The following ALK variants were observed in gnomAD, a reference collection of about 807,000 sequenced individuals.
ALK encodes the protein ALK tyrosine kinase receptor.
Under a neutral mutation model 163.1 loss-of-function variants are expected in ALK, and 74 were observed. The ratio of observed to expected loss-of-function variants is 0.45; its 90% CI spans 0.38 to 0.55. The LOEUF is 0.55. ALK is among the 20% of genes least tolerant of loss of function. The pLI, the probability that ALK is intolerant of heterozygous loss-of-function variation, is 0.00. For synonymous variants in ALK, 960 were observed against 843.2 expected, an observed-to-expected ratio of 1.14 and a Z score of -2.40; for missense variants, 2,063 against 2,105.3, an observed-to-expected ratio of 0.98 and a Z score of 0.39.
intron 1 of ALK, among the ~76,000 whole-genome samples, chr2:29,839,003 T>C (rs745690923): frequency 2.6e-5 from 4 of 152,182 alleles, no homozygotes; most frequent in African/African-American, 9.7e-5. Context: ...ATGTTTTAAG[T>C]AGATACTGGC....
intron 1 of ALK, among the ~76,000 whole-genome samples, chr2:29,776,698 G>A (rs1681185412): frequency 6.6e-6 from 1 of 152,176 alleles, no homozygotes; most frequent in South Asian, 2.1e-4. Context: ...TCAGGAGGCT[G>A]AGGTGGGAAG....
At chr2:29,623,320 G>C (rs1419892123) in intron 3 of ALK, among the ~76,000 whole-genome samples, 1 of 152,154 alleles carries the variant, frequency 6.6e-6, no homozygotes, top group Non-Finnish European at 1.5e-5. Flanking sequence ...TCCAATAATA[G>C]AGAAACAGTT....
At chr2:29,433,583 C>A (rs1054163357) in intron 4 of ALK, among the ~76,000 whole-genome samples, 1 of 152,136 alleles carries the variant, frequency 6.6e-6, no homozygotes, top group African/African-American at 2.4e-5. Context: ...TCACTGAGGG[C>A]AATATAGCCC....
At chr2:29,618,704 G>A (rs1675932074) in intron 3 of ALK, among the ~76,000 whole-genome samples, 1 of 152,232 alleles carries the variant, frequency 6.6e-6, no homozygotes, top group African/African-American at 2.4e-5. Flanking sequence ...CACTTGGCCA[G>A]GTGCGGTGGC....
intron 26 of ALK, among the ~76,000 whole-genome samples, chr2:29,205,631 G>C (rs1669291172): frequency 6.6e-6 from 1 of 152,198 alleles, no homozygotes; most frequent in East Asian, 1.9e-4. Flanking sequence ...TTGACTTGGG[G>C]CCGCATCTCC....
At chr2:29,494,878 A>ATGTGTGTGTGTGTGTGTG (rs1558350027) in intron 4 of ALK, among the ~76,000 whole-genome samples, 5 of 120,092 alleles carry the variant, frequency 4.2e-5, no homozygotes, top group African/African-American at 1.7e-4. Context: ...GTGTGTGTGC[A>ATGTGTGTGTGTGTGTGTG]TGCATGTGTA....
At chr2:29,443,992 C>A (rs182401107) in intron 4 of ALK, among the ~76,000 whole-genome samples, 1 of 152,166 alleles carries the variant, frequency 6.6e-6, no homozygotes, top group South Asian at 2.1e-4. Flanking sequence ...TCTTGTTACG[C>A]CCAATTTGCA....
At chr2:29,330,173 T>C (rs73920783) in intron 5 of ALK, among the ~76,000 whole-genome samples, 23,584 of 152,198 alleles carry the variant, frequency 0.15, 1,878 homozygotes, top group African/African-American at 0.18. Context: ...TCTGAGCCCT[T>C]TCACCTGCTC....
chr2:29,558,967 T>C (rs760397622), intron 3 of ALK, among the ~76,000 whole-genome samples: 2 of 152,166 alleles, frequency 1.3e-5, no homozygotes, highest in African/African-American at 2.4e-5. Context: ...GGGTAGACTA[T>C]AATTTTCTGT....
chr2:29,817,667 G>A (rs76503401), intron 1 of ALK, among the ~76,000 whole-genome samples: 9,231 of 152,160 alleles, frequency 0.061, 824 homozygotes, highest in African/African-American at 0.19. Context: ...CCCGCCCTCC[G>A]TCCCTCCCTT....
intron 3 of ALK, among the ~76,000 whole-genome samples, chr2:29,560,659 C>T (rs1171649760): frequency 2.0e-5 from 3 of 151,894 alleles, no homozygotes; most frequent in Admixed American, 1.3e-4. Context: ...GCAGCCTTGA[C>T]CTTCCAGATT....
intron 11 of ALK, among the ~76,000 whole-genome samples, chr2:29,256,603 T>C (rs1664954325): frequency 6.6e-6 from 1 of 151,576 alleles, no homozygotes; most frequent in African/African-American, 2.4e-5. Context: ...GGGAACACTT[T>C]TGAGTGTTTT....
rs1345095564 is a variant in ALK, at chr2:29,521,805, T to A, written c.1154+10110A>T. ...GGCAATTCCATCACCCGATTCCATC[T>A]CCTCAATGCAGACTTGGTTTTTGAA... On this transcript the variant is annotated intron_variant, in intron 4 of 28. Transcript: ENST00000389048. 3.3e-5 allele frequency among the ~76,000 whole-genome samples: 5 copies of A among 152,284 alleles called. No individual in the cohort carries two copies. The East Asian group carries it at 9.7e-4, about 29-fold the overall frequency.
Position 29,921,583 on chromosome 2 carries a change from A to C in ALK, c.-924T>G, listed in dbSNP as rs982899951. On this transcript the variant is annotated 5_prime_UTR_variant, in exon 1 of 29. The change abolishes an upstream ATG in the 5' untranslated region. Coordinates refer to ENST00000389048, the MANE Select transcript of ALK (RefSeq NM_004304.5). ...GCCGCCCCCAGAGCCGCTGGATCGC[A>C]TCTGCCTGGGCGCCCGCCACTTGCA... is the stretch of plus-strand genomic sequence containing the variant. The C allele has an allele frequency of 1.1e-4, 25 of 230,256 alleles. No individual in the cohort carries two copies. The highest frequency in any genetic ancestry group is 4.9e-4 in the African/African-American group (22 of 45,164). The allele number at this position is 230,256 out of a possible 1,614,324, so 14.3% of individuals were successfully genotyped here.
At chr2:29,361,588 C>A (rs1413363200) in intron 5 of ALK, among the ~76,000 whole-genome samples, 1 of 152,172 alleles carries the variant, frequency 6.6e-6, no homozygotes, top group African/African-American at 2.4e-5. Flanking sequence ...TGCTATGTAA[C>A]CTTGGGTAAG....
chr2:29,864,506 G>C (rs1666375591), intron 1 of ALK, among the ~76,000 whole-genome samples: 1 of 152,052 alleles, frequency 6.6e-6, no homozygotes. Flanking sequence ...TCTACCCTTT[G>C]AATGCATGTT....
chr2:29,452,331 T>C (rs904040098), intron 4 of ALK, among the ~76,000 whole-genome samples: 4 of 80,056 alleles, frequency 5.0e-5, no homozygotes, highest in Non-Finnish European at 6.9e-5. Context: ...AAGTTTTTTT[T>C]GTTTTTTTTT....
At chr2:29,312,114 G>T (rs1666713417) in intron 8 of ALK, among the ~76,000 whole-genome samples, 1 of 151,974 alleles carries the variant, frequency 6.6e-6, no homozygotes, top group African/African-American at 2.4e-5. Context: ...GCTACCCAGG[G>T]CAGGGCAGAG....
chr2:29,214,118 T>TCC, intron 23 of ALK, 37 bp from the exon 24 acceptor site: 1 of 1,572,626 alleles, frequency 6.4e-7, no homozygotes, highest in Non-Finnish European at 8.7e-7. Context: ...GACGAGGAGC[T>TCC]TGTCAGTGAG....
Sources: allele counts gnomAD v4.1 joint callset (sites outside exome capture counted in the v4.1 genomes callset), GRCh38; gene constraint gnomAD v4.1.1; transcripts MANE v1.5; gene names NCBI Gene and HGNC (gene_info 2026-07-23, HGNC 2026-07-21).